Variants in SHANK2 observed in about 807,000 individuals in gnomAD.
SHANK2 encodes the protein SH3 and multiple ankyrin repeat domains 2.
In SHANK2, 43 loss-of-function variants were observed where a neutral mutation model predicts 133.7. The observed-to-expected ratio is 0.32, with a 90% CI of 0.25 to 0.41. SHANK2 has a LOEUF of 0.41. SHANK2 is among the 10% of genes least tolerant of loss of function. The pLI, the probability that SHANK2 is intolerant of heterozygous loss-of-function variation, is 1.00. For synonymous variants in SHANK2, 1,017 were observed against 952.8 expected, an observed-to-expected ratio of 1.07 and a Z score of -1.24; for missense variants, 1,994 against 2,235.8, an observed-to-expected ratio of 0.89 and a Z score of 2.18.
At chr11:70,568,648 C>CCCCCCCCCCCG (rs1554982452) in intron 17 of SHANK2, among the ~76,000 whole-genome samples, 1 of 113,990 alleles carries the variant, frequency 8.8e-6, no homozygotes, top group African/African-American at 3.0e-5. Flanking sequence ...GGATTCCTGC[C>CCCCCCCCCCCG]CCCCCCGCCC....
At chr11:70,674,420 C>G (rs1018451993) in intron 15 of SHANK2, among the ~76,000 whole-genome samples, 1 of 151,810 alleles carries the variant, frequency 6.6e-6, no homozygotes, top group Non-Finnish European at 1.5e-5. Flanking sequence ...ATGATCTTGG[C>G]TCACTGCAAC....
chr11:70,814,145 G>A (rs1239261093), intron 12 of SHANK2, among the ~76,000 whole-genome samples: 1 of 152,126 alleles, frequency 6.6e-6, no homozygotes, highest in African/African-American at 2.4e-5. Flanking sequence ...CCAACATGGC[G>A]CAACCCCATC....
intron 2 of SHANK2, among the ~76,000 whole-genome samples, chr11:71,189,917 C>T (rs112566014): frequency 0.013 from 2,026 of 152,316 alleles, 24 homozygotes; most frequent in Non-Finnish European, 0.02. Flanking sequence ...GGCTTCACCA[C>T]GACTGTTAGG....
intron 11 of SHANK2, among the ~76,000 whole-genome samples, chr11:70,883,067 C>T (rs73525320): frequency 0.019 from 2,957 of 152,202 alleles, 92 homozygotes; most frequent in African/African-American, 0.067. Context: ...TCAGGGCTGT[C>T]GGTTCCAGCC....
intron 17 of SHANK2, among the ~76,000 whole-genome samples, chr11:70,561,063 A>C (rs2059903873): frequency 6.6e-6 from 1 of 152,228 alleles, no homozygotes; most frequent in Admixed American, 6.5e-5. Flanking sequence ...AAGGCAATTC[A>C]ACAGAGTAGG....
rs945360107 is a variant in SHANK2 at position 70,830,578 on chromosome 11, G to A, written c.1175-9896C>T. On this transcript the variant is annotated intron_variant, in intron 11 of 25. Coordinates refer to ENST00000601538, the MANE Select transcript of SHANK2 (RefSeq NM_012309.5). The surrounding 1 kb of genome is among the most constrained non-coding windows in gnomAD (Gnocchi z 4.4). Reference sequence around the variant, plus strand: ...CGCAGAACTCCGGGAATTCGCTAGCGCCCTTCCCATCTCTAAAACAAGTAT... The same window carrying A: ...CGCAGAACTCCGGGAATTCGCTAGCACCCTTCCCATCTCTAAAACAAGTAT... Among the ~76,000 whole-genome samples, 2 of 152,218 alleles carry A rather than the reference G, an allele frequency of 1.3e-5. No homozygotes were observed. The highest frequency in any genetic ancestry group is 6.5e-5 in the Admixed American group (1 of 15,288).
chr11:71,206,220 C>G (rs1382926368), intron 2 of SHANK2, among the ~76,000 whole-genome samples: 2 of 152,216 alleles, frequency 1.3e-5, no homozygotes, highest in Admixed American at 6.5e-5. Flanking sequence ...CCTCTCCGGA[C>G]AGGCACACAC....
At chr11:70,480,159 C>A (rs1713425381) in intron 25 of SHANK2, among the ~76,000 whole-genome samples, 1 of 152,240 alleles carries the variant, frequency 6.6e-6, no homozygotes, top group Non-Finnish European at 1.5e-5. Flanking sequence ...CCTGCCCAGC[C>A]CTCCTCATCT....
At chr11:70,941,154 C>T (rs1269702782) in intron 10 of SHANK2, among the ~76,000 whole-genome samples, 5 of 152,148 alleles carry the variant, frequency 3.3e-5, no homozygotes, top group African/African-American at 9.7e-5. Flanking sequence ...CATTCAAGGA[C>T]CATGTCACAC....
intron 17 of SHANK2, chr11:70,571,177 G>T (rs886707256): frequency 5.9e-5 from 9 of 152,368 alleles, no homozygotes; most frequent in African/African-American, 2.2e-4. Flanking sequence ...GTCAAGGCTG[G>T]GCTCTGCATC....
chr11:71,133,291 C>T (rs1480587014), intron 3 of SHANK2, among the ~76,000 whole-genome samples: 3 of 111,300 alleles, frequency 2.7e-5, no homozygotes, highest in Admixed American at 8.7e-5. Context: ...GCCGGCCGGA[C>T]GGCTGGCTGG....
chr11:70,910,371 C>A (rs573363708), intron 10 of SHANK2, among the ~76,000 whole-genome samples: 8 of 152,196 alleles, frequency 5.3e-5, no homozygotes, highest in Non-Finnish European at 1.2e-4. Flanking sequence ...TCTCCCCTCA[C>A]GTGGTCTGTT....
chr11:70,481,980 G>A (rs1555151773), intron 25 of SHANK2, among the ~76,000 whole-genome samples: 1 of 152,240 alleles, frequency 6.6e-6, no homozygotes, highest in Admixed American at 6.5e-5. Context: ...CCCCAGTGGT[G>A]GTTCTGACTG....
intron 11 of SHANK2, among the ~76,000 whole-genome samples, chr11:70,877,398 T>C (rs1406597001): frequency 2.0e-5 from 3 of 152,160 alleles, no homozygotes; most frequent in Non-Finnish European, 1.5e-5. Context: ...ATACGTCGCC[T>C]GACTTTCTGC....
Position 71,094,530 on chromosome 11 carries a change from A to G in SHANK2, c.744+7T>C. The G allele has an allele frequency of 1.3e-6, 2 of 1,548,616 alleles. No homozygotes were observed. The highest frequency in any genetic ancestry group is 1.7e-6 in the Non-Finnish European group (2 of 1,144,766). ...GTGGCACCCAAGTAAGATGGGCCCG[A>G]GTTTACCTTCAGGGCAACTTGGTTC... On this transcript the variant is annotated splice_region_variant and intron_variant, in intron 7 of 25. Coordinates refer to ENST00000601538, the MANE Select transcript of SHANK2 (RefSeq NM_012309.5).
intron 10 of SHANK2, among the ~76,000 whole-genome samples, chr11:70,906,918 A>G (rs976375476): frequency 7.9e-5 from 12 of 152,168 alleles, no homozygotes; most frequent in South Asian, 2.1e-4. Flanking sequence ...TCGTTCCAGA[A>G]CAGCTCCCTG....
intron 10 of SHANK2, among the ~76,000 whole-genome samples, chr11:70,924,210 G>A (rs1329942177): frequency 2.6e-5 from 4 of 152,140 alleles, no homozygotes; most frequent in Non-Finnish European, 5.9e-5. Context: ...AGTCCCTCCT[G>A]ACGGTACAGA....
intron 15 of SHANK2, among the ~76,000 whole-genome samples, chr11:70,687,512 T>A (rs181916435): frequency 6.7e-6 from 1 of 150,174 alleles, no homozygotes; most frequent in African/African-American, 2.4e-5. Flanking sequence ...GTGGGGCAAT[T>A]TACACCACTG....
intron 2 of SHANK2, among the ~76,000 whole-genome samples, chr11:71,171,096 A>C (rs4334036): frequency 0.67 from 101,268 of 152,066 alleles, 35,813 homozygotes; most frequent in East Asian, 0.87. Context: ...CTTTTTGCAC[A>C]CGCGGGGACA....
Sources: gnomAD v4.1 joint callset for allele counts (sites outside exome capture counted in the v4.1 genomes callset) on GRCh38, gnomAD v4.1.1 for gene constraint, Gnocchi (gnomAD v3.1) non-coding constraint, MANE v1.5 for transcripts, NCBI Gene and HGNC (gene_info 2026-07-23, HGNC 2026-07-21) for gene names.